The following TENM3 variants were observed in gnomAD, a reference collection of about 807,000 sequenced individuals.
TENM3 encodes teneurin-3.
Under a neutral mutation model 255.1 loss-of-function variants are expected in TENM3, and 63 were observed. That is an observed-to-expected ratio of 0.25 (90% CI 0.20 to 0.30). TENM3 has a LOEUF of 0.30. Among genes scored for constraint, TENM3 ranks in the 10% least tolerant of loss-of-function variants. The pLI is 1.00. For missense variants in TENM3, 2,929 were observed against 3,461.1 expected (o/e 0.85, Z 3.86); for synonymous variants, 1,306 against 1,322.3 (o/e 0.99, Z 0.27).
chr4:181,901,115 C>A, the TENM3 span, among the ~76,000 whole-genome samples: 1 of 152,160 alleles, frequency 6.6e-6, no homozygotes, highest in Non-Finnish European at 1.5e-5. Flanking sequence ...TCCCAAAAAT[C>A]ATAGCCCTTC....
Position 182,282,343 on chromosome 4 carries a change from T to C in TENM3, c.-76+38867T>C, listed in dbSNP as rs535687036. 9.3e-4 allele frequency among the ~76,000 whole-genome samples: 141 copies of C among 152,316 alleles called. 1 individual carries two copies. The highest frequency in any genetic ancestry group is 3.4e-3 in the Middle Eastern group (1 of 294). On this transcript the variant is annotated intron_variant, in intron 1 of 27. Coordinates refer to ENST00000511685, the MANE Select transcript of TENM3 (RefSeq NM_001080477.4). Reference sequence around the variant, plus strand: ...TGGATAGTTATATCAAGTTCTGTGATTTCTTCATTATATTAGTATATGCTT... The same window carrying C: ...TGGATAGTTATATCAAGTTCTGTGACTTCTTCATTATATTAGTATATGCTT...
the TENM3 span, among the ~76,000 whole-genome samples, chr4:182,086,124 A>G: frequency 1.6e-4 from 24 of 152,292 alleles, no homozygotes; most frequent in African/African-American, 5.5e-4. Context: ...TTGGATGTCA[A>G]TATTAAACTA....
chr4:181,707,826 CATAT>C, the TENM3 span, among the ~76,000 whole-genome samples: 1 of 152,022 alleles, frequency 6.6e-6, no homozygotes, highest in South Asian at 2.1e-4. Context: ...AGAAAATTAG[CATAT>C]ATAGTTTGCT....
At chr4:182,100,448 A>ATAT in the TENM3 span, among the ~76,000 whole-genome samples, 14,392 of 114,598 alleles carry the variant, frequency 0.13, 1,416 homozygotes, top group Admixed American at 0.24. Flanking sequence ...TAAAAAAAAA[A>ATAT]ATATATATAT....
At chr4:181,746,678 C>G in the TENM3 span, among the ~76,000 whole-genome samples, 1 of 152,008 alleles carries the variant, frequency 6.6e-6, no homozygotes, top group East Asian at 1.9e-4. Context: ...TTATTTTTCC[C>G]TATGCAGAAA....
At chr4:182,350,205 A>G (rs1205945266) in intron 3 of TENM3, 1 of 152,650 alleles carries the variant, frequency 6.6e-6, no homozygotes, top group Admixed American at 6.5e-5. Flanking sequence ...TGTGAGGCTA[A>G]TGAAATTTTG....
chr4:181,697,892 AAAAAAAGCAAAAACT>A, the TENM3 span, among the ~76,000 whole-genome samples: 1 of 152,070 alleles, frequency 6.6e-6, no homozygotes, highest in Non-Finnish European at 1.5e-5. Context: ...CCTAATATCT[AAAAAAAGCAAAAACT>A]AAAAGCGCTT....
At chr4:181,930,906 G>A in the TENM3 span, among the ~76,000 whole-genome samples, 3 of 152,216 alleles carry the variant, frequency 2.0e-5, no homozygotes, top group East Asian at 5.8e-4. Flanking sequence ...CAGAACCAAT[G>A]ACAAAAACCA....
At chr4:182,286,269 G>C (rs1760722659) in intron 1 of TENM3, among the ~76,000 whole-genome samples, 4 of 152,312 alleles carry the variant, frequency 2.6e-5, no homozygotes, top group Middle Eastern at 3.4e-3. Flanking sequence ...GCAGCTCCCT[G>C]TTTCTGCCTT....
intron 5 of TENM3, among the ~76,000 whole-genome samples, chr4:182,648,166 A>G (rs751813725): frequency 6.6e-6 from 1 of 152,192 alleles, no homozygotes; most frequent in Non-Finnish European, 1.5e-5. Flanking sequence ...CACCTGCAAC[A>G]TCATGAAAGG....
chr4:181,991,249 G>A, the TENM3 span, among the ~76,000 whole-genome samples: 5 of 152,030 alleles, frequency 3.3e-5, no homozygotes, highest in Non-Finnish European at 7.4e-5. Context: ...GATATTTCCC[G>A]TTCTGTTTTT....
chr4:181,452,154 A>G, the TENM3 span, among the ~76,000 whole-genome samples: 248 of 152,308 alleles, frequency 1.6e-3, 9 homozygotes, highest in South Asian at 0.046. Flanking sequence ...CAGAGTTTTG[A>G]TAGAAGAGTG....
At chr4:182,123,901 AG>A in the TENM3 span, among the ~76,000 whole-genome samples, 1 of 152,154 alleles carries the variant, frequency 6.6e-6, no homozygotes, top group Non-Finnish European at 1.5e-5. Flanking sequence ...AGCGTGGGGG[AG>A]TCAAATAAGA....
At chr4:182,288,935 C>A (rs1760924198) in intron 1 of TENM3, among the ~76,000 whole-genome samples, 1 of 152,176 alleles carries the variant, frequency 6.6e-6, no homozygotes, top group South Asian at 2.1e-4. Flanking sequence ...TTTAAAGATT[C>A]ATGCGAGGGC....
chr4:182,501,210 C>T (rs189915314), intron 3 of TENM3, among the ~76,000 whole-genome samples: 5 of 152,150 alleles, frequency 3.3e-5, no homozygotes, highest in African/African-American at 7.2e-5. Context: ...AGTTCAACAG[C>T]GGCACCTTCT....
At chr4:182,247,113 G>T (rs535108874) in intron 1 of TENM3, among the ~76,000 whole-genome samples, 64 of 152,278 alleles carry the variant, frequency 4.2e-4, no homozygotes, top group African/African-American at 1.5e-3. Flanking sequence ...TATGAGTCGA[G>T]CTAGAATCTA....
intron 24 of TENM3, among the ~76,000 whole-genome samples, chr4:182,787,922 A>G (rs959107685): frequency 3.3e-5 from 5 of 152,082 alleles, no homozygotes; most frequent in Non-Finnish European, 7.4e-5. Flanking sequence ...GTTTAAGCTT[A>G]AGGATTATTT....
chr4:181,626,100 C>CTTAT, the TENM3 span, among the ~76,000 whole-genome samples: 8 of 152,230 alleles, frequency 5.3e-5, no homozygotes, highest in South Asian at 1.7e-3. Flanking sequence ...GCCAACTGAG[C>CTTAT]TTATTTGGCA....
At chr4:182,542,520 G>A (rs1408460531) in intron 3 of TENM3, among the ~76,000 whole-genome samples, 1 of 152,000 alleles carries the variant, frequency 6.6e-6, no homozygotes, top group African/African-American at 2.4e-5. Flanking sequence ...AGGTTTCTTT[G>A]TGTCACTTTA....
Sources: allele counts gnomAD v4.1 joint callset (sites outside exome capture counted in the v4.1 genomes callset), GRCh38; gene constraint gnomAD v4.1.1; transcripts MANE v1.5; gene names NCBI Gene and HGNC (gene_info 2026-07-23, HGNC 2026-07-21).